CTTNBP2NL: variants seen among roughly 807,000 people sequenced by gnomAD.
CTTNBP2NL encodes CTTNBP2 N-terminal-like protein.
In CTTNBP2NL, 16 loss-of-function variants were observed where a neutral mutation model predicts 32.5. That is an observed-to-expected ratio of 0.49 (90% CI 0.33 to 0.75). The LOEUF (loss-of-function observed/expected upper bound fraction) is 0.75, where lower values mean the gene tolerates loss of function less well. CTTNBP2NL is among the 30% of genes least tolerant of loss of function. The pLI is 0.02. For synonymous variants in CTTNBP2NL, 298 were observed against 289.4 expected, an observed-to-expected ratio of 1.03 and a Z score of -0.30; for missense variants, 645 against 756.0, an observed-to-expected ratio of 0.85 and a Z score of 1.72.
intron 4 of CTTNBP2NL, among the ~76,000 whole-genome samples, chr1:112,452,458 C>T (rs1650253316): frequency 6.6e-6 from 1 of 150,410 alleles, no homozygotes; most frequent in South Asian, 2.1e-4. Flanking sequence ...GATTCTCCTG[C>T]CTCAGCCTCC....
At chr1:112,419,699 C>T (rs1040508334) in intron 3 of CTTNBP2NL, among the ~76,000 whole-genome samples, 1 of 152,162 alleles carries the variant, frequency 6.6e-6, no homozygotes, top group Non-Finnish European at 1.5e-5. Context: ...TAGCAATCAC[C>T]ATACATACTA....
In CTTNBP2NL at chr1:112,439,339, AACC is replaced by A. The variant is rs750394121; in HGVS notation, c.100-9601_100-9599del. Reference sequence around the variant, plus strand: ...TAAATATGAATAGTTTCTACTTCTTAACCAAGATAAGGCCCTCTTCCCAGGACC... The same window carrying A: ...TAAATATGAATAGTTTCTACTTCTTAAAGATAAGGCCCTCTTCCCAGGACC... On this transcript the variant is annotated intron_variant, in intron 3 of 5. Transcript: ENST00000271277. Among the ~76,000 whole-genome samples the A allele has an allele frequency of 6.0e-4, 92 of 152,278 alleles. No homozygotes were observed. The Middle Eastern group carries it at 0.014, about 23-fold the overall frequency.
At chr1:112,446,197 G>GAA (rs71723384) in intron 3 of CTTNBP2NL, among the ~76,000 whole-genome samples, 2,166 of 144,566 alleles carry the variant, frequency 0.015, 31 homozygotes, top group Non-Finnish European at 0.021. Flanking sequence ...TAAAAAAGTG[G>GAA]AAAAAAAAAA....
chr1:112,425,963 G>A (rs1649381306), intron 3 of CTTNBP2NL, among the ~76,000 whole-genome samples: 1 of 90,944 alleles, frequency 1.1e-5, no homozygotes, highest in South Asian at 5.6e-4. Context: ...TGCCGTGTGT[G>A]TGTGTGTGTG....
At chr1:112,451,497 C>T (rs1164495397) in intron 4 of CTTNBP2NL, among the ~76,000 whole-genome samples, 1 of 151,290 alleles carries the variant, frequency 6.6e-6, no homozygotes, top group Non-Finnish European at 1.5e-5. Flanking sequence ...GAAGGCCAGA[C>T]ACAGTGACTC....
At chr1:112,411,814 C>T (rs1205266362) in intron 1 of CTTNBP2NL, among the ~76,000 whole-genome samples, 1 of 152,086 alleles carries the variant, frequency 6.6e-6, no homozygotes, top group Non-Finnish European at 1.5e-5. Flanking sequence ...TCGTGAGTAG[C>T]TGGGACCACA....
intron 3 of CTTNBP2NL, among the ~76,000 whole-genome samples, chr1:112,418,700 A>C (rs571202840): frequency 2.6e-5 from 4 of 152,252 alleles, no homozygotes; most frequent in African/African-American, 9.6e-5. Flanking sequence ...GGAAGCAGAG[A>C]GTGGAACCAC....
At chr1:112,453,737 A>G (rs1650289853) in intron 4 of CTTNBP2NL, among the ~76,000 whole-genome samples, 1 of 152,160 alleles carries the variant, frequency 6.6e-6, no homozygotes, top group South Asian at 2.1e-4. Flanking sequence ...CTGGGTGACA[A>G]AGCAAGACCC....
At chr1:112,410,747 C>T (rs186147253) in intron 1 of CTTNBP2NL, among the ~76,000 whole-genome samples, 3 of 152,228 alleles carry the variant, frequency 2.0e-5, no homozygotes, top group Admixed American at 2.0e-4. Flanking sequence ...ATGAAAATGA[C>T]AAGTGACAGC....
intron 3 of CTTNBP2NL, among the ~76,000 whole-genome samples, chr1:112,445,091 C>T (rs13376283): frequency 0.028 from 4,274 of 152,264 alleles, 210 homozygotes; most frequent in African/African-American, 0.098. Flanking sequence ...GGAGCCAAGG[C>T]CTACGCCAAC....
intron 3 of CTTNBP2NL, among the ~76,000 whole-genome samples, chr1:112,419,531 G>A (rs191385676): frequency 6.7e-6 from 1 of 148,852 alleles, no homozygotes; most frequent in Admixed American, 6.9e-5. Context: ...AACCTCAGTT[G>A]TATCCAAGTT....
Position 112,457,260 on chromosome 1 carries a change from A to G in CTTNBP2NL, c.1768A>G (p.Thr590Ala), listed in dbSNP as rs199842074. The change falls in exon 6 of 6, where the codon ACC becomes GCC. Residue 590 changes from threonine to alanine, a missense_variant. Transcript: ENST00000271277. ...CATCCCACCCAAGAAACCTGGCCTCACCCCTTCTCCATCTGCTACCACTCC... is the reference window on the plus strand; with the variant it reads ...CATCCCACCCAAGAAACCTGGCCTCGCCCCTTCTCCATCTGCTACCACTCC... The part of the protein sequence containing the change: ...PPIPPKKPGL[T>A]PSPSATTPLT... 2.5e-5 allele frequency: 40 copies of G among 1,613,966 alleles called. No homozygotes were observed. The African/African-American group carries it at 4.4e-4, about 18-fold the overall frequency.
intron 3 of CTTNBP2NL, among the ~76,000 whole-genome samples, chr1:112,418,829 A>T (rs1452188370): frequency 6.6e-6 from 1 of 152,282 alleles, no homozygotes; most frequent in East Asian, 1.9e-4. Context: ...TGGCCATTTT[A>T]AAAAATCTGA....
At position 112,402,032 on chromosome 1, in the gene CTTNBP2NL, G is replaced by T. The variant is rs140399944; in HGVS notation, c.-134+5760G>T. Among the ~76,000 whole-genome samples the T allele has an allele frequency of 3.0e-3, 450 of 152,302 alleles. 2 individuals are homozygous for T. The highest frequency in any genetic ancestry group is 1.0e-2 in the African/African-American group (415 of 41,560). ...TACAGACAAAGACTCCTGACCGTGAGCTTCGGGAGCATCTGCGTAGATTCT... is the reference window on the plus strand; with the variant it reads ...TACAGACAAAGACTCCTGACCGTGATCTTCGGGAGCATCTGCGTAGATTCT... On this transcript the variant is annotated intron_variant, in intron 1 of 5. Coordinates refer to ENST00000271277, the MANE Select transcript of CTTNBP2NL (RefSeq NM_018704.3).
intron 3 of CTTNBP2NL, among the ~76,000 whole-genome samples, chr1:112,426,248 G>A (rs935603066): frequency 6.6e-6 from 1 of 152,022 alleles, no homozygotes; most frequent in Non-Finnish European, 1.5e-5. Flanking sequence ...AAATTTTTAT[G>A]TCCTTGTTGT....
chr1:112,456,884 C>A lies in CTTNBP2NL; in HGVS notation c.1392C>A (p.His464Gln). Reference protein sequence around the residue: ...GINQRFHAARHKFQSQADQDQ... With the variant: ...GINQRFHAARQKFQSQADQDQ... ...ACCAACGGTTCCATGCAGCTCGCCA[C>A]AAATTTCAGTCCCAAGCAGATCAGG... The change falls in exon 6 of 6, where the codon CAC becomes CAA. Residue 464 changes from histidine to glutamine, a missense_variant. His to Gln is a conservative substitution (Grantham distance 24). Transcript: ENST00000271277. The A allele has an allele frequency of 6.2e-7, 1 of 1,614,124 alleles. No homozygotes were observed. The highest frequency in any genetic ancestry group is 8.5e-7 in the Non-Finnish European group (1 of 1,180,026).
At chr1:112,409,067 G>T (rs1477495689) in intron 1 of CTTNBP2NL, among the ~76,000 whole-genome samples, 1 of 149,334 alleles carries the variant, frequency 6.7e-6, no homozygotes, top group Non-Finnish European at 1.5e-5. Flanking sequence ...GGCAGAGGTT[G>T]CAGTGAGCCA....
At chr1:112,452,174 T>C (rs1482758182) in intron 4 of CTTNBP2NL, among the ~76,000 whole-genome samples, 1 of 152,030 alleles carries the variant, frequency 6.6e-6, no homozygotes, top group Non-Finnish European at 1.5e-5. Context: ...TTCATTTATT[T>C]TGAGAGACAG....
At chr1:112,451,780 A>C (rs1650226275) in intron 4 of CTTNBP2NL, among the ~76,000 whole-genome samples, 1 of 127,468 alleles carries the variant, frequency 7.8e-6, no homozygotes, top group African/African-American at 2.6e-5. Context: ...AAAAAAAAAA[A>C]AAAACACAAA....
Sources: gnomAD v4.1 joint callset for allele counts (sites outside exome capture counted in the v4.1 genomes callset) on GRCh38, gnomAD v4.1.1 for gene constraint, MANE v1.5 for transcripts, NCBI Gene and HGNC (gene_info 2026-07-23, HGNC 2026-07-21) for gene names.